Variants in DOP1B observed in about 807,000 individuals in gnomAD.
DOP1B encodes protein DOP1B.
Under a neutral mutation model 233.5 loss-of-function variants are expected in DOP1B, and 174 were observed. The ratio of observed to expected loss-of-function variants is 0.75; its 90% CI spans 0.66 to 0.85. The LOEUF is 0.85. Ranked by LOEUF, DOP1B falls within the 40% of genes least tolerant of loss-of-function variation. The pLI is 0.00. For synonymous variants in DOP1B, 1,190 were observed against 1,185.6 expected, an observed-to-expected ratio of 1.00 and a Z score of -0.08; for missense variants, 2,652 against 2,846.6, an observed-to-expected ratio of 0.93 and a Z score of 1.56.
At chr21:36,280,463 CA>C in intron 31 of DOP1B, 117 bp downstream of exon 31, 2 of 650,384 alleles carry the variant, frequency 3.1e-6, no homozygotes, top group South Asian at 2.1e-5. Flanking sequence ...GTCTACGCCA[CA>C]AAGACTGTAA....
chr21:36,169,143 G>A, intron 2 of DOP1B: 1 of 939,740 alleles, frequency 1.1e-6, no homozygotes, highest in Admixed American at 1.7e-5. Context: ...GATGTGCAGA[G>A]AATGAGCACT....
chr21:36,199,096 C>T lies in DOP1B; in HGVS notation c.165C>T (p.Ser55=). ...CTCTTCAGAGTAACCTGAGGTACTC[C>T]TTGTTGCCAAGACGGCTCCTCATCA... ...NKALQSNLRY[S]LLPRRLLISK... Residue 55 remains serine, a synonymous_variant, in exon 3 of 37, where the codon TCC becomes TCT. Coordinates refer to ENST00000691173, the MANE Select transcript of DOP1B (RefSeq NM_001320714.2). 1 of 1,613,704 alleles carries T rather than the reference C, an allele frequency of 6.2e-7. No homozygotes were observed. The highest frequency in any genetic ancestry group is 8.5e-7 in the Non-Finnish European group (1 of 1,179,842).
chr21:36,254,946 A>AC (rs1306697388), intron 23 of DOP1B, among the ~76,000 whole-genome samples: 26 of 137,406 alleles, frequency 1.9e-4, no homozygotes, highest in African/African-American at 6.6e-4. Flanking sequence ...AATTTGTGTA[A>AC]CTTTTTTTTT....
intron 4 of DOP1B, 142 bp from the exon 5 acceptor site, chr21:36,208,573 C>T (rs752701366): frequency 8.2e-5 from 67 of 816,348 alleles, no homozygotes; most frequent in Non-Finnish European, 1.2e-4. Flanking sequence ...GAGATGGCAG[C>T]GGCTCCCGGC....
At chr21:36,177,396 T>C (rs1391756155) in intron 2 of DOP1B, among the ~76,000 whole-genome samples, 1 of 152,196 alleles carries the variant, frequency 6.6e-6, no homozygotes, top group East Asian at 1.9e-4. Flanking sequence ...GGATAGTCTA[T>C]TTACTTTGTG....
intron 2 of DOP1B, among the ~76,000 whole-genome samples, chr21:36,195,083 G>A (rs986361646): frequency 1.3e-5 from 2 of 152,124 alleles, no homozygotes; most frequent in Admixed American, 6.6e-5. Context: ...GCTCATGCCT[G>A]TAATCCCAGC....
chr21:36,206,050 C>T (rs919078921), intron 4 of DOP1B, among the ~76,000 whole-genome samples: 3 of 151,336 alleles, frequency 2.0e-5, no homozygotes, highest in Non-Finnish European at 4.4e-5. Context: ...GTAAACTGCA[C>T]ACTAATATTG....
chr21:36,292,529 A>C (rs1469576503), intron 36 of DOP1B, among the ~76,000 whole-genome samples: 2 of 151,246 alleles, frequency 1.3e-5, no homozygotes, highest in South Asian at 4.2e-4. Context: ...GTTTCAAGCA[A>C]TTCTCCTCTC....
At chr21:36,258,028 T>C (rs1324093806) in intron 23 of DOP1B, among the ~76,000 whole-genome samples, 2 of 145,674 alleles carry the variant, frequency 1.4e-5, no homozygotes, top group Non-Finnish European at 3.0e-5. Context: ...GAGAGATAGA[T>C]GTAGTTAGAT....
In DOP1B at chr21:36,245,982, G is replaced by T. The variant is rs762012146; in HGVS notation, c.4002G>T (p.Ser1334=). 1.2e-6 allele frequency: 2 copies of T among 1,613,840 alleles called. No individual in the cohort carries two copies. The highest frequency in any genetic ancestry group is 1.7e-6 in the Non-Finnish European group (2 of 1,179,966). ...ACTACCCTTGCTATTTGAAGGTCTC[G>T]CACCGAGACATTCTCGGCAACCGGG... ...RSYYPCYLKV[S]HRDILGNRDV... The change falls in exon 19 of 37, where the codon TCG becomes TCT. Residue 1334 remains serine, a synonymous_variant. Transcript: ENST00000691173. The surrounding 1 kb of genome is among the most constrained non-coding windows in gnomAD (Gnocchi z 5.5).
At chr21:36,218,271 C>T (rs1479483803) in intron 9 of DOP1B, among the ~76,000 whole-genome samples, 1 of 152,184 alleles carries the variant, frequency 6.6e-6, no homozygotes, top group African/African-American at 2.4e-5. Flanking sequence ...GTGGCTCACA[C>T]CTGTAATCCC....
intron 23 of DOP1B, among the ~76,000 whole-genome samples, chr21:36,259,111 G>C (rs1471558337): frequency 6.6e-6 from 1 of 150,756 alleles, no homozygotes; most frequent in Non-Finnish European, 1.5e-5. Context: ...GACTACAGTC[G>C]CCCGCCACCA....
In DOP1B at chr21:36,251,177, A is replaced by C; in HGVS notation, c.5014A>C (p.Ile1672Leu). The C allele has an allele frequency of 2.5e-6, 4 of 1,612,234 alleles. No homozygotes were observed. The highest frequency in any genetic ancestry group is 3.4e-6 in the Non-Finnish European group (4 of 1,179,630). Residue 1672 changes from isoleucine (I) to leucine (L), a missense_variant, in exon 22 of 37, where the codon ATT (isoleucine) becomes CTT (leucine). Ile to Leu is a conservative substitution (Grantham distance 5). This residue lies in a region of DOP1B where 2,617 missense variants were observed against 2,794.3 expected (regional missense o/e 0.94). Coordinates refer to ENST00000691173, the MANE Select transcript of DOP1B (RefSeq NM_001320714.2). The stretch of plus-strand genomic sequence containing the variant: ...TATTTTCTAGACCATAAGACAAAAA[A>C]TTTTAGACTTCTTAAACCCCTTGAC... ...FKTTKTIRQK[I>L]LDFLNPLTAH...
chr21:36,209,226 A>G (rs1015470067), intron 5 of DOP1B, among the ~76,000 whole-genome samples: 3 of 152,102 alleles, frequency 2.0e-5, no homozygotes, highest in Admixed American at 6.5e-5. Context: ...GGTTCAAGCA[A>G]TTCTCCTCTC....
chr21:36,233,146 T>C, intron 15 of DOP1B, 71 bp downstream of exon 15: 1 of 1,534,646 alleles, frequency 6.5e-7, no homozygotes, highest in Non-Finnish European at 8.8e-7. Flanking sequence ...ACCGTATTGC[T>C]GGGGATGGGG....
chr21:36,211,619 G>A lies in DOP1B; in HGVS notation c.748G>A (p.Val250Ile), dbSNP rs755825870. 14 of 1,613,930 alleles carry A rather than the reference G, an allele frequency of 8.7e-6. No individual in the cohort carries two copies. Among genetic ancestry groups the A allele is most frequent in the African/African-American group, 6.7e-5 (5 of 74,866 alleles). Reference protein sequence around the residue: ...VLVQRNNLEIVLFFFPFYTCL... With the variant: ...VLVQRNNLEIILFFFPFYTCL... ...TGTGCAAAGAAATAATCTGGAAATC[G>A]TTCTGTTTTTCTTCCCATTTTATAC... Residue 250 changes from valine to isoleucine, a missense_variant, in exon 6 of 37, where the codon GTT becomes ATT. Val to Ile is a conservative substitution (Grantham distance 29). Coordinates refer to ENST00000691173, the MANE Select transcript of DOP1B (RefSeq NM_001320714.2).
intron 14 of DOP1B, among the ~76,000 whole-genome samples, chr21:36,232,346 C>G (rs1006402147): frequency 6.6e-6 from 1 of 152,162 alleles, no homozygotes; most frequent in Admixed American, 6.6e-5. Context: ...AGAAATTTGT[C>G]TCATAGTTCT....
rs947641832 is a variant in DOP1B, at chr21:36,251,010, G to C, written c.4999-152G>C. On this transcript the variant is annotated intron_variant, in intron 21 of 36. Transcript: ENST00000691173. ...AGGGTTTGATTCCTCCCATTGCTGGGATCCACCCATCAGGGAAGCACCTCA... is the reference window on the plus strand; with the variant it reads ...AGGGTTTGATTCCTCCCATTGCTGGCATCCACCCATCAGGGAAGCACCTCA... The C allele has an allele frequency of 4.7e-6, 5 of 1,065,504 alleles. No homozygotes were observed. The East Asian group carries it at 1.3e-4, about 28-fold the overall frequency. The allele number at this position is 1,065,504 out of a possible 1,614,324, so 66.0% of individuals were successfully genotyped here.
intron 2 of DOP1B, among the ~76,000 whole-genome samples, chr21:36,190,952 C>T (rs749824935): frequency 6.6e-5 from 10 of 152,078 alleles, no homozygotes; most frequent in Non-Finnish European, 1.3e-4. Flanking sequence ...CTGGACCTGC[C>T]GGGAGAGGGA....
Sources: gnomAD v4.1 joint callset for allele counts (sites outside exome capture counted in the v4.1 genomes callset) on GRCh38, gnomAD v4.1.1 for gene constraint, gnomAD v4.1.1 regional missense constraint, Gnocchi (gnomAD v3.1) non-coding constraint, MANE v1.5 for transcripts, NCBI Gene and HGNC (gene_info 2026-07-23, HGNC 2026-07-21) for gene names.